The following TGFB1 variants were observed in gnomAD, a reference collection of about 807,000 sequenced individuals.
The protein encoded by TGFB1 is transforming growth factor beta 1.
In TGFB1, 19 loss-of-function variants were observed where a neutral mutation model predicts 43.8. The ratio of observed to expected loss-of-function variants is 0.43; its 90% CI spans 0.30 to 0.64. TGFB1 has a LOEUF of 0.64. Among genes scored for constraint, TGFB1 ranks in the 30% least tolerant of loss-of-function variants. The pLI is 0.11. For synonymous variants in TGFB1, 221 were observed against 236.3 expected (o/e 0.94, Z 0.60); for missense variants, 445 against 529.8 (o/e 0.84, Z 1.57).
chr19:41,349,771 C>CA (rs764449330), intron 1 of TGFB1, among the ~76,000 whole-genome samples: 38 of 151,912 alleles, frequency 2.5e-4, no homozygotes, highest in Admixed American at 6.6e-4. Flanking sequence ...ACAACAACAA[C>CA]AAAAAACCAC....
chr19:41,344,836 A>G lies in TGFB1; in HGVS notation c.545T>C (p.Leu182Pro). 6.2e-7 allele frequency: 1 copy of G among 1,600,608 alleles called. No individual in the cohort carries two copies. The highest frequency in any genetic ancestry group is 1.7e-5 in the Admixed American group (1 of 57,328). The change falls in exon 3 of 7, where the codon CTC (leucine) becomes CCC (proline). Residue 182 changes from leucine (L) to proline (P), a missense_variant. Physicochemically the swap from Leu to Pro is moderately conservative, Grantham distance 98. Transcript: ENST00000221930. The part of the protein sequence containing the change: ...QKYSNNSWRY[L>P]SNRLLAPSDS... ...GCTGGGTGCCAGCAGCCGGTTGCTG[A>G]GGTATCGCCAGGAATTGTTGCTGTA...
At chr19:41,343,980 C>CTTTTTTTT (rs3061192) in intron 3 of TGFB1, among the ~76,000 whole-genome samples, 5 of 98,636 alleles carry the variant, frequency 5.1e-5, no homozygotes, top group African/African-American at 8.4e-5. Flanking sequence ...TGCCTGGAAT[C>CTTTTTTTT]TTTTTTTTTT....
intron 5 of TGFB1, among the ~76,000 whole-genome samples, chr19:41,339,506 A>G (rs1568476708): frequency 6.6e-6 from 1 of 150,610 alleles, no homozygotes; most frequent in East Asian, 2.0e-4. Flanking sequence ...TCCCTTTGTA[A>G]TGTCAGGAGC....
Position 41,353,661 on chromosome 19 carries a change from T to TCCCTCCTCCCGCTCCTCCTCC in TGFB1, c.-638_-618dup, listed in dbSNP as rs1333028833. On this transcript the variant is annotated 5_prime_UTR_variant, in exon 1 of 7. Transcript: ENST00000221930. This position sits in a 1 kb window ranked among gnomAD's most constrained non-coding sequence, Gnocchi z 5.9. ...TTTTCCTCTTCTCCCGACCAGCTCG[T>TCCCTCCTCCCGCTCCTCCTCC]CCCTCCTCCCGCTCCTCCTCCCCCT... 2 of 153,090 alleles carry TCCCTCCTCCCGCTCCTCCTCC rather than the reference T, an allele frequency of 1.3e-5. No individual in the cohort carries two copies. Among genetic ancestry groups the TCCCTCCTCCCGCTCCTCCTCC allele is most frequent in the Non-Finnish European group, 2.9e-5 (2 of 68,810 alleles). The allele number at this position is 153,090 out of a possible 1,614,324, so 9.5% of individuals were successfully genotyped here.
intron 5 of TGFB1, among the ~76,000 whole-genome samples, chr19:41,335,016 G>A (rs2037973684): frequency 6.6e-6 from 1 of 151,736 alleles, no homozygotes; most frequent in Non-Finnish European, 1.5e-5. Flanking sequence ...CTCACAGGAA[G>A]TTCTGAACTC....
At chr19:41,344,018 T>C (rs1304026815) in intron 3 of TGFB1, among the ~76,000 whole-genome samples, 1 of 124,634 alleles carries the variant, frequency 8.0e-6, no homozygotes, top group African/African-American at 3.4e-5. Context: ...GATCTCACTC[T>C]TTCATGTAGG....
intron 5 of TGFB1, among the ~76,000 whole-genome samples, chr19:41,337,199 T>C (rs536958946): frequency 1.3e-5 from 2 of 152,244 alleles, no homozygotes; most frequent in African/African-American, 4.8e-5. Flanking sequence ...TGGAGTGCAA[T>C]GGCGCGACCT....
chr19:41,334,215 A>G (rs960392859), intron 5 of TGFB1, among the ~76,000 whole-genome samples: 1 of 151,962 alleles, frequency 6.6e-6, no homozygotes, highest in Admixed American at 6.6e-5. Context: ...TCTCTACTAA[A>G]AATACAAAAA....
intron 3 of TGFB1, 150 bp from the exon 4 acceptor site, chr19:41,342,397 T>A: frequency 3.4e-6 from 2 of 587,926 alleles, no homozygotes; most frequent in Admixed American, 3.1e-5. Context: ...TCTCTTTTTT[T>A]TTTTTTTTTT....
At chr19:41,332,701 C>T (rs1430479425) in intron 5 of TGFB1, among the ~76,000 whole-genome samples, 1 of 152,110 alleles carries the variant, frequency 6.6e-6, no homozygotes, top group Non-Finnish European at 1.5e-5. Flanking sequence ...GGACTGAGGA[C>T]AAATGAAACA....
At chr19:41,333,333 C>T (rs1266678638) in intron 5 of TGFB1, among the ~76,000 whole-genome samples, 1 of 150,624 alleles carries the variant, frequency 6.6e-6, no homozygotes, top group Non-Finnish European at 1.5e-5. Flanking sequence ...CTGCCTCAGC[C>T]TTCCGAGTAG....
intron 1 of TGFB1, 131 bp downstream of exon 1, chr19:41,352,559 C>G (rs897862325): frequency 9.1e-7 from 1 of 1,101,860 alleles, no homozygotes; most frequent in Non-Finnish European, 1.3e-6. Context: ...CACCATCACA[C>G]GTTCCCTTTG....
At chr19:41,337,210 C>T (rs974213572) in intron 5 of TGFB1, among the ~76,000 whole-genome samples, 28 of 152,088 alleles carry the variant, frequency 1.8e-4, no homozygotes, top group African/African-American at 6.3e-4. Context: ...GGCGCGACCT[C>T]GGCTCACTGC....
chr19:41,335,626 G>A (rs2037980507), intron 5 of TGFB1, among the ~76,000 whole-genome samples: 1 of 152,172 alleles, frequency 6.6e-6, no homozygotes, highest in South Asian at 2.1e-4. Context: ...CACACATTCG[G>A]GGCCTACCCT....
At position 41,330,838 on chromosome 19, in the gene TGFB1, G is replaced by A. The variant is rs199704340; in HGVS notation, c.*214C>T. 1.9e-6 allele frequency: 1 copy of A among 521,828 alleles called. No individual in the cohort carries two copies. The highest frequency in any genetic ancestry group is 3.7e-5 in the Admixed American group (1 of 26,828). 32.3% of individuals were successfully genotyped at this position (521,828 alleles called of 1,614,324 possible). A position where few individuals can be genotyped will look rare whatever the true frequency, so the allele number is the denominator to read the frequency against. On this transcript the variant is annotated 3_prime_UTR_variant, in exon 7 of 7. Transcript: ENST00000221930. ...ACAGGCAGGAGGAGGCAGAGAGGGA[G>A]AGAGAGGGAGTGGGAGTGGGGGAAC...
intron 1 of TGFB1, among the ~76,000 whole-genome samples, chr19:41,350,281 G>A (rs1019977521): frequency 2.0e-5 from 3 of 151,048 alleles, no homozygotes; most frequent in African/African-American, 7.3e-5. Context: ...GTAGTGGGGA[G>A]AAAAGGAATT....
Position 41,352,992 on chromosome 19 carries a change from A to G in TGFB1, c.53T>C (p.Leu18Pro). 4 of 1,537,686 alleles carry G rather than the reference A, an allele frequency of 2.6e-6. No individual in the cohort carries two copies. The highest frequency in any genetic ancestry group is 3.5e-6 in the Non-Finnish European group (4 of 1,145,598). ...CGGCCGGCCAGGCGTCAGCACCAGT[A>G]GCCACAGCAGCGGTAGCAGCAGCGG... ...LLPLLLPLLW[L>P]LVLTPGRPAA... Residue 18 changes from leucine to proline, a missense_variant, in exon 1 of 7, where the codon CTA (leucine) becomes CCA (proline). By Grantham distance (98) the Leu-to-Pro change is moderately conservative. Transcript: ENST00000221930.
chr19:41,347,275 G>A (rs1045375746), intron 2 of TGFB1, among the ~76,000 whole-genome samples: 2 of 152,088 alleles, frequency 1.3e-5, no homozygotes, highest in Non-Finnish European at 2.9e-5. Context: ...TGCCTGCCTC[G>A]GCTTCCCAAA....
intron 5 of TGFB1, among the ~76,000 whole-genome samples, chr19:41,333,923 C>T (rs995998969): frequency 5.9e-5 from 9 of 152,298 alleles, no homozygotes; most frequent in Admixed American, 2.0e-4. Context: ...TTACCGATGA[C>T]GCTGGATGAG....
Sources: gnomAD v4.1 joint callset for allele counts (sites outside exome capture counted in the v4.1 genomes callset) on GRCh38, gnomAD v4.1.1 for gene constraint, Gnocchi (gnomAD v3.1) non-coding constraint, MANE v1.5 for transcripts, NCBI Gene and HGNC (gene_info 2026-07-23, HGNC 2026-07-21) for gene names.